PPP1R14C: variants seen among roughly 807,000 people sequenced by gnomAD.
PPP1R14C encodes the protein protein phosphatase 1 regulatory subunit 14C.
Under a neutral mutation model 20.4 loss-of-function variants are expected in PPP1R14C, and 16 were observed. That is an observed-to-expected ratio of 0.78 (90% CI 0.53 to 1.19). The LOEUF (loss-of-function observed/expected upper bound fraction) is 1.19, where lower values mean the gene tolerates loss of function less well. PPP1R14C is among the 50% of genes most tolerant of loss of function. The probability of loss-of-function intolerance (pLI) is 0.00; values close to 1 mark genes in which losing one functional copy is unlikely to be tolerated. For synonymous variants in PPP1R14C, 91 were observed against 91.0 expected, an observed-to-expected ratio of 1.00 and a Z score of 0.00; for missense variants, 211 against 220.1, an observed-to-expected ratio of 0.96 and a Z score of 0.26.
At chr6:150,177,087 G>A (rs1236844034) in intron 1 of PPP1R14C, among the ~76,000 whole-genome samples, 1 of 152,198 alleles carries the variant, frequency 6.6e-6, no homozygotes, top group African/African-American at 2.4e-5. Context: ...CCTGAGAGAT[G>A]TCTTGCTGTG....
chr6:150,168,275 G>A (rs1301284836), intron 1 of PPP1R14C, among the ~76,000 whole-genome samples: 3 of 149,266 alleles, frequency 2.0e-5, no homozygotes, highest in Admixed American at 6.8e-5. Context: ...GGTGGCTCAC[G>A]CCTGTAATCC....
chr6:150,194,586 A>G (rs1375176285), intron 1 of PPP1R14C: 1 of 978,922 alleles, frequency 1.0e-6, no homozygotes, highest in Non-Finnish European at 1.2e-6. Flanking sequence ...AAATGATTAA[A>G]TAGTGTTTTA....
intron 1 of PPP1R14C, among the ~76,000 whole-genome samples, chr6:150,171,865 G>A (rs2114869994): frequency 6.6e-6 from 1 of 152,176 alleles, no homozygotes; most frequent in East Asian, 1.9e-4. Flanking sequence ...GAGTGCAGTG[G>A]TGCGGTCTTG....
intron 3 of PPP1R14C, among the ~76,000 whole-genome samples, chr6:150,222,183 T>A (rs1236029802): frequency 6.4e-5 from 8 of 125,876 alleles, no homozygotes; most frequent in Non-Finnish European, 1.3e-4. Flanking sequence ...CGGGTGCTGA[T>A]CTAGTCACAT....
chr6:150,202,366 C>T (rs548524617), intron 1 of PPP1R14C, among the ~76,000 whole-genome samples: 5 of 152,336 alleles, frequency 3.3e-5, no homozygotes, highest in African/African-American at 9.6e-5. Flanking sequence ...AAGCCCACAC[C>T]TCCTTGCCTC....
chr6:150,191,917 G>A (rs117243034), intron 1 of PPP1R14C, among the ~76,000 whole-genome samples: 1 of 152,158 alleles, frequency 6.6e-6, no homozygotes, highest in Admixed American at 6.5e-5. Flanking sequence ...TGGGATTTGA[G>A]GTGTAGATAG....
chr6:150,162,741 T>C (rs1174110875), intron 1 of PPP1R14C, among the ~76,000 whole-genome samples: 2 of 152,190 alleles, frequency 1.3e-5, no homozygotes. Flanking sequence ...ACACAGGTGC[T>C]TAGGATACAA....
At chr6:150,239,318 A>C (rs1013707503) in intron 3 of PPP1R14C, among the ~76,000 whole-genome samples, 2 of 152,224 alleles carry the variant, frequency 1.3e-5, no homozygotes, top group Admixed American at 1.3e-4. Flanking sequence ...ATGAAGACAG[A>C]CATATTCTGG....
chr6:150,209,814 C>G (rs1582919752), intron 1 of PPP1R14C, among the ~76,000 whole-genome samples: 1 of 139,558 alleles, frequency 7.2e-6, no homozygotes, highest in African/African-American at 2.8e-5. Flanking sequence ...TGTTTATATT[C>G]ATGTGTGTGT....
At chr6:150,149,443 A>ATTTTTTT (rs1216146263) in intron 1 of PPP1R14C, among the ~76,000 whole-genome samples, 3 of 119,948 alleles carry the variant, frequency 2.5e-5, no homozygotes, top group African/African-American at 9.9e-5. Flanking sequence ...CTCCCACCTA[A>ATTTTTTT]TTTTTTTTTT....
chr6:150,168,561 C>CA (rs1335293938), intron 1 of PPP1R14C, among the ~76,000 whole-genome samples: 1 of 151,832 alleles, frequency 6.6e-6, no homozygotes, highest in Non-Finnish European at 1.5e-5. Context: ...CAAAACAAAA[C>CA]AAAAAAACCC....
intron 1 of PPP1R14C, among the ~76,000 whole-genome samples, chr6:150,200,585 T>G (rs992892293): frequency 1.3e-5 from 2 of 152,188 alleles, no homozygotes; most frequent in African/African-American, 4.8e-5. Context: ...CCTGGCTCTC[T>G]TCCCTTTGGA....
rs887263397 is a variant in PPP1R14C at position 150,215,271 on chromosome 6, T to C, written c.390+444T>C. Among the ~76,000 whole-genome samples the C allele has an allele frequency of 2.6e-5, 4 of 152,256 alleles. No homozygotes were observed. The South Asian group carries it at 8.3e-4, about 32-fold the overall frequency. On this transcript the variant is annotated intron_variant, in intron 2 of 3. Coordinates refer to ENST00000361131, the MANE Select transcript of PPP1R14C (RefSeq NM_030949.3). ...CTAAATATTGCTTATGACATAATTC[T>C]ATTTAGTAGACGATCTGTTCATAGA...
In PPP1R14C at chr6:150,249,315, T is replaced by C. The variant is rs964291178; in HGVS notation, c.*495T>C. The C allele has an allele frequency of 1.0e-5, 4 of 399,044 alleles. No individual in the cohort carries two copies. The highest frequency in any genetic ancestry group is 4.1e-5 in the African/African-American group (2 of 48,640). The allele number at this position is 399,044 out of a possible 1,614,324, so 24.7% of individuals were successfully genotyped here. On this transcript the variant is annotated 3_prime_UTR_variant, in exon 4 of 4. Transcript: ENST00000361131. ...TTTATTTCACATGGATGGAATAAAC[T>C]TGTGGTTGTCCTTTAACTGGAGGTC...
intron 3 of PPP1R14C, among the ~76,000 whole-genome samples, chr6:150,230,702 CT>C (rs1452155747): frequency 1.3e-5 from 2 of 152,168 alleles, no homozygotes; most frequent in African/African-American, 4.8e-5. Context: ...AGCATTTCTT[CT>C]TTTGTCAGGA....
intron 3 of PPP1R14C, among the ~76,000 whole-genome samples, chr6:150,241,306 C>T (rs1778428480): frequency 6.6e-6 from 1 of 152,200 alleles, no homozygotes; most frequent in South Asian, 2.1e-4. Flanking sequence ...CTCCTTCCCT[C>T]AAGCCCTGAC....
At chr6:150,158,809 T>C (rs574196585) in intron 1 of PPP1R14C, among the ~76,000 whole-genome samples, 41 of 152,330 alleles carry the variant, frequency 2.7e-4, no homozygotes, top group Non-Finnish European at 5.0e-4. Context: ...AATAGCTCAA[T>C]TGGTGTTTTT....
chr6:150,188,774 C>A (rs1777707872), intron 1 of PPP1R14C, among the ~76,000 whole-genome samples: 1 of 151,814 alleles, frequency 6.6e-6, no homozygotes, highest in South Asian at 2.1e-4. Context: ...GTGTGAGCCA[C>A]TGCGCCTGGC....
chr6:150,192,043 A>G (rs986579194), intron 1 of PPP1R14C, among the ~76,000 whole-genome samples: 2 of 152,114 alleles, frequency 1.3e-5, no homozygotes, highest in Admixed American at 6.5e-5. Context: ...ATGTCTCCCT[A>G]AAGGATACTA....
Sources: gnomAD v4.1 joint callset for allele counts (sites outside exome capture counted in the v4.1 genomes callset) on GRCh38, gnomAD v4.1.1 for gene constraint, MANE v1.5 for transcripts, NCBI Gene and HGNC (gene_info 2026-07-23, HGNC 2026-07-21) for gene names.